The following KCMF1 variants were observed in gnomAD, a reference collection of about 807,000 sequenced individuals.
The protein encoded by KCMF1 is E3 ubiquitin-protein ligase KCMF1.
In KCMF1, 3 loss-of-function variants were observed where a neutral mutation model predicts 41.1. That is an observed-to-expected ratio of 0.07 (90% CI 0.03 to 0.19). The LOEUF (loss-of-function observed/expected upper bound fraction) is 0.19, where lower values mean the gene tolerates loss of function less well. KCMF1 is among the 10% of genes least tolerant of loss of function. KCMF1 has a pLI of 1.00. For synonymous variants in KCMF1, 142 were observed against 164.5 expected, an observed-to-expected ratio of 0.86 and a Z score of 1.04; for missense variants, 286 against 488.9, an observed-to-expected ratio of 0.58 and a Z score of 3.91.
At chr2:85,019,887 G>A (rs1252104531) in intron 1 of KCMF1, among the ~76,000 whole-genome samples, 7 of 151,118 alleles carry the variant, frequency 4.6e-5, no homozygotes, top group Admixed American at 6.6e-5. Flanking sequence ...AAGGCCTTTC[G>A]GTGTTTGAGA....
At chr2:85,001,422 G>A (rs754293475) in intron 1 of KCMF1, among the ~76,000 whole-genome samples, 3 of 152,132 alleles carry the variant, frequency 2.0e-5, no homozygotes, top group Non-Finnish European at 4.4e-5. Context: ...GCCTCCCAAA[G>A]TGCTGGGATT....
intron 5 of KCMF1, among the ~76,000 whole-genome samples, chr2:85,048,604 C>T (rs1333853424): frequency 2.0e-5 from 3 of 152,212 alleles, no homozygotes; most frequent in Non-Finnish European, 2.9e-5. Context: ...TGGAAGAAGG[C>T]ATTTCACTGT....
At chr2:84,993,735 C>T (rs567685761) in intron 1 of KCMF1, among the ~76,000 whole-genome samples, 126 of 151,770 alleles carry the variant, frequency 8.3e-4, no homozygotes, top group African/African-American at 2.8e-3. Context: ...GCCACCGTGC[C>T]TGGCTATTTT....
intron 1 of KCMF1, among the ~76,000 whole-genome samples, chr2:85,026,640 C>T (rs1476487877): frequency 6.6e-6 from 1 of 151,692 alleles, no homozygotes; most frequent in African/African-American, 2.4e-5. Flanking sequence ...AGGCACAGGC[C>T]ACAATGCCCA....
At position 84,982,383 on chromosome 2, in the gene KCMF1, T is replaced by C. The variant is rs562957068; in HGVS notation, c.16+10916T>C. ...ATAAAGGAGTTACAGATGTGTTCCT[T>C]ATTTTCTTTTTTTTTTTTTTTTTTT... On this transcript the variant is annotated intron_variant, in intron 1 of 6. Coordinates refer to ENST00000409785, the MANE Select transcript of KCMF1 (RefSeq NM_020122.5). Among the ~76,000 whole-genome samples, 257 of 136,874 alleles carry C rather than the reference T, an allele frequency of 1.9e-3. 2 individuals carry two copies. Among genetic ancestry groups the C allele is most frequent in the African/African-American group, 6.7e-3 (245 of 36,604 alleles). The allele number at this position is 136,874 out of a possible 152,430, so 89.8% of individuals were successfully genotyped here. A position where few individuals can be genotyped will look rare whatever the true frequency, so the allele number is the denominator to read the frequency against.
intron 3 of KCMF1, among the ~76,000 whole-genome samples, chr2:85,040,425 G>C (rs1675500467): frequency 6.6e-6 from 1 of 152,112 alleles, no homozygotes; most frequent in Non-Finnish European, 1.5e-5. Flanking sequence ...TTGTGCCCAT[G>C]AGTGGCACAG....
At chr2:85,028,637 G>T (rs750664321) in intron 2 of KCMF1, among the ~76,000 whole-genome samples, 2 of 151,566 alleles carry the variant, frequency 1.3e-5, no homozygotes, top group Non-Finnish European at 2.9e-5. Flanking sequence ...TTACAGGCGT[G>T]CACCACCATG....
At chr2:85,028,483 C>CTTTTTT (rs398042498) in intron 2 of KCMF1, among the ~76,000 whole-genome samples, 3 of 47,236 alleles carry the variant, frequency 6.4e-5, no homozygotes, top group African/African-American at 2.9e-4. Context: ...CTGTGCCTGG[C>CTTTTTT]TTTTTTTTTT....
intron 3 of KCMF1, among the ~76,000 whole-genome samples, chr2:85,036,254 C>T (rs1675400651): frequency 6.6e-6 from 1 of 152,144 alleles, no homozygotes; most frequent in Admixed American, 6.5e-5. Context: ...GATCTTTTAC[C>T]TAGGAGAGCC....
intron 5 of KCMF1, among the ~76,000 whole-genome samples, chr2:85,048,226 C>T (rs1454378367): frequency 1.3e-5 from 2 of 152,050 alleles, no homozygotes; most frequent in African/African-American, 4.8e-5. Flanking sequence ...GTGTGTGCAA[C>T]AACAAAAACA....
rs147531791 is a variant in KCMF1, at chr2:85,020,297, A to C, written c.17-7592A>C. ...TTCCTGGCACCTAAATTCACACTAC[A>C]ATTTTTTGTCAATATTATTATACTA... On this transcript the variant is annotated intron_variant, in intron 1 of 6. Coordinates refer to ENST00000409785, the MANE Select transcript of KCMF1 (RefSeq NM_020122.5). Among the ~76,000 whole-genome samples the C allele has an allele frequency of 7.4e-4, 112 of 152,262 alleles. 1 individual carries two copies. Among genetic ancestry groups the C allele is most frequent in the African/African-American group, 2.6e-3 (107 of 41,544 alleles).
intron 1 of KCMF1, among the ~76,000 whole-genome samples, chr2:85,015,236 T>C (rs1466530393): frequency 6.6e-6 from 1 of 151,690 alleles, no homozygotes; most frequent in Non-Finnish European, 1.5e-5. Flanking sequence ...TGAGCTCTTA[T>C]CTAATTACTC....
chr2:85,034,772 C>T (rs887328562), intron 2 of KCMF1, among the ~76,000 whole-genome samples: 10 of 152,090 alleles, frequency 6.6e-5, no homozygotes, highest in Admixed American at 6.6e-4. Flanking sequence ...CAGGCATCTG[C>T]CACCATGCCT....
At position 85,053,553 on chromosome 2, in the gene KCMF1, A is replaced by C. The variant is rs1038606326; in HGVS notation, c.*144A>C. ...TGTACATTCAAAAGGAAGAGAGAAA[A>C]TATATATGATAATCATTTCCACTTA... On this transcript the variant is annotated 3_prime_UTR_variant, in exon 7 of 7. Transcript: ENST00000409785. 33 of 861,414 alleles carry C rather than the reference A, an allele frequency of 3.8e-5. No individual in the cohort carries two copies. The Admixed American group carries it at 8.9e-4, about 23-fold the overall frequency. The allele number at this position is 861,414 out of a possible 1,614,324, so 53.4% of individuals were successfully genotyped here.
chr2:85,056,627 C>G lies in KCMF1; in HGVS notation c.*3218C>G, dbSNP rs6730797. On this transcript the variant is annotated 3_prime_UTR_variant, in exon 7 of 7. Coordinates refer to ENST00000409785, the MANE Select transcript of KCMF1 (RefSeq NM_020122.5). ...GAGAGGTTACGGTAGCAGGTGGCTG[C>G]AGAAAAGAATCTTTTGAATGGGATT... 5,148 of 152,238 alleles carry G rather than the reference C, an allele frequency of 0.034. 161 individuals are homozygous for G. Among genetic ancestry groups the G allele is most frequent in the African/African-American group, 0.077 (3,212 of 41,516 alleles). 9.4% of individuals were successfully genotyped at this position (152,238 alleles called of 1,614,324 possible). A position where few individuals can be genotyped will look rare whatever the true frequency, so the allele number is the denominator to read the frequency against.
intron 1 of KCMF1, among the ~76,000 whole-genome samples, chr2:85,008,293 TATATAATATATA>T (rs1558573379): frequency 0.02 from 1,811 of 92,378 alleles, 93 homozygotes; most frequent in African/African-American, 0.078. Context: ...ATATATAATA[TATATAATATATA>T]ATATGATATA....
intron 1 of KCMF1, among the ~76,000 whole-genome samples, chr2:84,996,273 C>G (rs1375738349): frequency 1.1e-4 from 17 of 151,920 alleles, no homozygotes. Flanking sequence ...ATAGTGTTCT[C>G]CCTCTAAAGT....
chr2:85,009,939 TC>T (rs1405211984), intron 1 of KCMF1, among the ~76,000 whole-genome samples: 1 of 152,194 alleles, frequency 6.6e-6, no homozygotes, highest in Non-Finnish European at 1.5e-5. Flanking sequence ...TTGCTGCCAG[TC>T]CCAGACATTT....
At chr2:85,043,694 G>C in intron 4 of KCMF1, 29 bp downstream of exon 4, 1 of 1,408,092 alleles carries the variant, frequency 7.1e-7, no homozygotes, top group Non-Finnish European at 1.0e-6. Context: ...ACAAGGAAAA[G>C]AGTTGTTTGT....
Sources: allele counts gnomAD v4.1 joint callset (sites outside exome capture counted in the v4.1 genomes callset), GRCh38; gene constraint gnomAD v4.1.1; transcripts MANE v1.5; gene names NCBI Gene and HGNC (gene_info 2026-07-23, HGNC 2026-07-21).